The following AGBL1 variants were observed in gnomAD, a reference collection of about 807,000 sequenced individuals.
AGBL1 encodes cytosolic carboxypeptidase 4.
In AGBL1, 130 loss-of-function variants were observed where a neutral mutation model predicts 118.9. The observed-to-expected ratio is 1.09, with a 90% CI of 0.95 to 1.26. The LOEUF (loss-of-function observed/expected upper bound fraction) is 1.26. AGBL1 is among the 50% of genes most tolerant of loss of function. The pLI is 0.00. For missense variants in AGBL1, 1,584 were observed against 1,298.1 expected (o/e 1.22, Z -3.38); for synonymous variants, 555 against 478.9 (o/e 1.16, Z -2.08).
chr15:86,674,792 A>C (rs1160654809), intron 22 of AGBL1, among the ~76,000 whole-genome samples: 1 of 152,202 alleles, frequency 6.6e-6, no homozygotes, highest in Admixed American at 6.5e-5. Flanking sequence ...ACTCAACAAA[A>C]AACAATGGCA....
chr15:86,717,711 C>T (rs2086658887), intron 22 of AGBL1, among the ~76,000 whole-genome samples: 1 of 151,838 alleles, frequency 6.6e-6, no homozygotes, highest in Non-Finnish European at 1.5e-5. Flanking sequence ...TGTTTTTTGC[C>T]CCATTGATAC....
At chr15:86,403,420 A>C (rs1169186126) in intron 18 of AGBL1, among the ~76,000 whole-genome samples, 1 of 152,192 alleles carries the variant, frequency 6.6e-6, no homozygotes, top group Non-Finnish European at 1.5e-5. Context: ...TTAAAACATA[A>C]TAGTTGAATG....
At chr15:86,105,010 G>A (rs1323747592) in intron 1 of AGBL1, 1 of 152,168 alleles carries the variant, frequency 6.6e-6, no homozygotes, top group Non-Finnish European at 1.5e-5. Flanking sequence ...AGGTGATCCT[G>A]GCTGAGAAAG....
chr15:86,254,433 C>T (rs1414775321), intron 7 of AGBL1, among the ~76,000 whole-genome samples: 1 of 152,230 alleles, frequency 6.6e-6, no homozygotes, highest in African/African-American at 2.4e-5. Context: ...GGCTCCAGGA[C>T]CTGAGCAGTT....
chr15:86,157,472 A>G (rs533331695), intron 4 of AGBL1, among the ~76,000 whole-genome samples: 28 of 152,138 alleles, frequency 1.8e-4, no homozygotes, highest in Admixed American at 3.3e-4. Flanking sequence ...GGTTATGGAG[A>G]TTTAGAAAAA....
At chr15:86,564,851 A>G (rs1299064083) in intron 21 of AGBL1, among the ~76,000 whole-genome samples, 8 of 152,052 alleles carry the variant, frequency 5.3e-5, no homozygotes, top group Non-Finnish European at 1.0e-4. Flanking sequence ...TTTTTCTCTA[A>G]ACTTCTCTTC....
intron 9 of AGBL1, among the ~76,000 whole-genome samples, chr15:86,260,742 G>A (rs1473051623): frequency 1.3e-5 from 2 of 152,122 alleles, no homozygotes; most frequent in African/African-American, 4.8e-5. Context: ...ACTCAAGTCT[G>A]AGGCAGCCAA....
chr15:86,753,452 C>T (rs1406149547), intron 22 of AGBL1, among the ~76,000 whole-genome samples: 1 of 137,560 alleles, frequency 7.3e-6, no homozygotes, highest in East Asian at 2.2e-4. Context: ...GGCTGGAGTG[C>T]AGTGGCATGA....
At chr15:86,653,481 C>T (rs990763825) in intron 21 of AGBL1, among the ~76,000 whole-genome samples, 1 of 152,174 alleles carries the variant, frequency 6.6e-6, no homozygotes, top group Admixed American at 6.6e-5. Context: ...CCTTCACAGA[C>T]ATCGGATATA....
chr15:86,127,081 G>A (rs1423164958), intron 1 of AGBL1, among the ~76,000 whole-genome samples: 1 of 152,168 alleles, frequency 6.6e-6, no homozygotes, highest in Admixed American at 6.5e-5. Context: ...ACTTAAAGCT[G>A]TAGTCCCCAG....
At chr15:87,009,314 C>CT (rs1174505680) in intron 24 of AGBL1, among the ~76,000 whole-genome samples, 44 of 152,072 alleles carry the variant, frequency 2.9e-4, no homozygotes, top group African/African-American at 1.1e-3. Flanking sequence ...AGGGTGAAAG[C>CT]CCCAAGCCTT....
At chr15:86,448,754 T>G (rs2082157864) in intron 18 of AGBL1, among the ~76,000 whole-genome samples, 1 of 152,086 alleles carries the variant, frequency 6.6e-6, no homozygotes, top group Non-Finnish European at 1.5e-5. Flanking sequence ...TGATTGGTTA[T>G]GGAGGATAAA....
chr15:86,853,649 C>T (rs866797207), intron 22 of AGBL1, among the ~76,000 whole-genome samples: 41 of 152,266 alleles, frequency 2.7e-4, no homozygotes, highest in Non-Finnish European at 3.8e-4. Flanking sequence ...ATTTACATAC[C>T]GTAACACTCA....
At chr15:86,737,137 T>C (rs148488527) in intron 22 of AGBL1, among the ~76,000 whole-genome samples, 5 of 152,294 alleles carry the variant, frequency 3.3e-5, no homozygotes, top group Middle Eastern at 3.4e-3. Flanking sequence ...CAGAATATTA[T>C]TGAAGCAAGG....
intron 18 of AGBL1, among the ~76,000 whole-genome samples, chr15:86,495,486 A>T (rs1214813402): frequency 6.6e-6 from 1 of 151,556 alleles, no homozygotes; most frequent in African/African-American, 2.4e-5. Flanking sequence ...TTTGATAAGC[A>T]TTATTTTCTT....
chr15:86,803,333 T>C (rs1303624655), intron 22 of AGBL1, among the ~76,000 whole-genome samples: 1 of 152,154 alleles, frequency 6.6e-6, no homozygotes, highest in Non-Finnish European at 1.5e-5. Flanking sequence ...TTCTGCCATG[T>C]GAAGAAAGTC....
chr15:86,775,878 C>T (rs112600942), intron 22 of AGBL1, among the ~76,000 whole-genome samples: 35 of 152,176 alleles, frequency 2.3e-4, no homozygotes, highest in African/African-American at 7.0e-4. Context: ...TGTTAAAATA[C>T]AATTAAATCA....
At chr15:86,255,824 G>A (rs771857707) in intron 7 of AGBL1, among the ~76,000 whole-genome samples, 3 of 152,144 alleles carry the variant, frequency 2.0e-5, no homozygotes, top group Non-Finnish European at 4.4e-5. Flanking sequence ...AGTCATTTGG[G>A]TAGCTTAAAT....
chr15:86,619,828 C>T (rs2084779785), intron 21 of AGBL1, among the ~76,000 whole-genome samples: 1 of 151,932 alleles, frequency 6.6e-6, no homozygotes, highest in Non-Finnish European at 1.5e-5. Context: ...TGAATTGAAC[C>T]TTAAATAATA....
Sources: allele counts gnomAD v4.1 joint callset (sites outside exome capture counted in the v4.1 genomes callset), GRCh38; gene constraint gnomAD v4.1.1; transcripts MANE v1.5; gene names NCBI Gene and HGNC (gene_info 2026-07-23, HGNC 2026-07-21).